Variants in MACROD2 observed in about 807,000 individuals in gnomAD.
The protein encoded by MACROD2 is mono-ADP ribosylhydrolase 2.
A neutral mutation model predicts 70.4 loss-of-function variants in MACROD2; 36 were observed. The observed-to-expected ratio is 0.51, with a 90% CI of 0.39 to 0.68. The LOEUF (loss-of-function observed/expected upper bound fraction) is 0.68. MACROD2 is among the 30% of genes least tolerant of loss of function. MACROD2 has a pLI of 0.00. For synonymous variants in MACROD2, 172 were observed against 178.8 expected (o/e 0.96, Z 0.30); for missense variants, 496 against 538.4 (o/e 0.92, Z 0.78).
At chr20:14,639,572 C>A in intron 4 of MACROD2, among the ~76,000 whole-genome samples, 1 of 152,162 alleles carries the variant, frequency 6.6e-6, no homozygotes, top group East Asian at 1.9e-4. Context: ...TCAGGATACA[C>A]ATACGCAATT....
intron 6 of MACROD2, among the ~76,000 whole-genome samples, chr20:15,342,894 C>CT (rs1218593326): frequency 6.6e-6 from 1 of 152,130 alleles, no homozygotes; most frequent in Non-Finnish European, 1.5e-5. Flanking sequence ...TTACTATTAT[C>CT]TTTTTTGCTG....
chr20:15,444,475 C>T (rs1002912674), intron 7 of MACROD2, among the ~76,000 whole-genome samples: 12 of 152,138 alleles, frequency 7.9e-5, no homozygotes, highest in African/African-American at 2.9e-4. Flanking sequence ...TAGTTTCTCT[C>T]AGGCCTCTCC....
At chr20:14,601,666 G>A (rs922070986) in intron 4 of MACROD2, among the ~76,000 whole-genome samples, 2 of 152,058 alleles carry the variant, frequency 1.3e-5, no homozygotes, top group Admixed American at 6.5e-5. Context: ...TTTAATGGAG[G>A]AAGGGGCCCA....
chr20:14,965,853 T>A (rs2074631887), intron 5 of MACROD2, among the ~76,000 whole-genome samples: 1 of 152,130 alleles, frequency 6.6e-6, no homozygotes, highest in Admixed American at 6.5e-5. Context: ...TCATTTTGCT[T>A]CAACAACATA....
intron 4 of MACROD2, among the ~76,000 whole-genome samples, chr20:14,538,972 C>A (rs749997547): frequency 3.4e-4 from 52 of 152,232 alleles, no homozygotes; most frequent in Non-Finnish European, 6.3e-4. Context: ...CTGGTGTGTC[C>A]CTAGTGCCTA....
intron 5 of MACROD2, among the ~76,000 whole-genome samples, chr20:14,997,219 C>T (rs1342865746): frequency 6.6e-6 from 1 of 152,092 alleles, no homozygotes; most frequent in Non-Finnish European, 1.5e-5. Flanking sequence ...CAGCTCAGTA[C>T]CACAGTAAAA....
At chr20:14,353,250 C>A (rs558336132) in intron 3 of MACROD2, among the ~76,000 whole-genome samples, 43 of 152,036 alleles carry the variant, frequency 2.8e-4, no homozygotes, top group Admixed American at 2.4e-3. Context: ...CCAGGAAGAA[C>A]AGAAAAGGGA....
intron 3 of MACROD2, among the ~76,000 whole-genome samples, chr20:14,367,330 C>T (rs2083281863): frequency 6.6e-6 from 1 of 152,106 alleles, no homozygotes; most frequent in Admixed American, 6.5e-5. Flanking sequence ...TACAATAATA[C>T]TGGCTTTTAT....
intron 16 of MACROD2, among the ~76,000 whole-genome samples, chr20:16,042,307 A>G (rs2067317796): frequency 6.6e-6 from 1 of 152,010 alleles, no homozygotes; most frequent in African/African-American, 2.4e-5. Context: ...ACTGCTTGTT[A>G]GTTATGAGCA....
intron 15 of MACROD2, among the ~76,000 whole-genome samples, chr20:16,030,315 A>T (rs1336890907): frequency 6.6e-6 from 1 of 152,122 alleles, no homozygotes; most frequent in Non-Finnish European, 1.5e-5. Flanking sequence ...TGGCTGCTTT[A>T]CCCCTCCCAA....
intron 3 of MACROD2, among the ~76,000 whole-genome samples, chr20:14,436,783 C>G (rs1341757669): frequency 3.3e-5 from 5 of 152,062 alleles, no homozygotes; most frequent in African/African-American, 9.7e-5. Flanking sequence ...ACTCAGTGTC[C>G]TTGTCTTTGA....
At chr20:14,237,738 C>T (rs1365755563) in intron 3 of MACROD2, among the ~76,000 whole-genome samples, 1 of 122,218 alleles carries the variant, frequency 8.2e-6, no homozygotes, top group Non-Finnish European at 1.6e-5. Flanking sequence ...GTTCCCCTTT[C>T]TGTGTCCATG....
intron 6 of MACROD2, among the ~76,000 whole-genome samples, chr20:15,287,265 C>T (rs2077500522): frequency 6.6e-6 from 1 of 152,180 alleles, no homozygotes; most frequent in Admixed American, 6.5e-5. Flanking sequence ...ATATTGTATA[C>T]ATGTGCTTTG....
chr20:15,623,775 C>A (rs2049163455), intron 8 of MACROD2, among the ~76,000 whole-genome samples: 1 of 152,004 alleles, frequency 6.6e-6, no homozygotes, highest in East Asian at 1.9e-4. Flanking sequence ...ATCTATGTGT[C>A]TATCTATCAT....
At chr20:14,369,661 C>T (rs2083304542) in intron 3 of MACROD2, among the ~76,000 whole-genome samples, 1 of 152,146 alleles carries the variant, frequency 6.6e-6, no homozygotes, top group African/African-American at 2.4e-5. Context: ...TTTAGTTATC[C>T]ACATGGTATA....
intron 5 of MACROD2, among the ~76,000 whole-genome samples, chr20:14,820,036 C>T (rs1317814574): frequency 6.6e-6 from 1 of 152,028 alleles, no homozygotes; most frequent in Non-Finnish European, 1.5e-5. Flanking sequence ...ATGATCATCC[C>T]GGAGTGCTGC....
chr20:15,406,105 G>A (rs577148081), intron 6 of MACROD2, among the ~76,000 whole-genome samples: 25 of 152,152 alleles, frequency 1.6e-4, no homozygotes, highest in African/African-American at 6.0e-4. Context: ...TCCTTTCACT[G>A]CCACATCCTT....
chr20:15,409,991 G>A (rs997210520), intron 6 of MACROD2, among the ~76,000 whole-genome samples: 1 of 152,104 alleles, frequency 6.6e-6, no homozygotes, highest in Non-Finnish European at 1.5e-5. Flanking sequence ...CCAACATTGG[G>A]CCTACCTGTT....
intron 15 of MACROD2, among the ~76,000 whole-genome samples, chr20:16,031,421 A>G (rs2067150104): frequency 6.6e-6 from 1 of 152,168 alleles, no homozygotes; most frequent in Admixed American, 6.6e-5. Context: ...AAATTTTGTA[A>G]CATCTATGAA....
Sources: allele counts gnomAD v4.1 joint callset (sites outside exome capture counted in the v4.1 genomes callset), GRCh38; gene constraint gnomAD v4.1.1; transcripts MANE v1.5; gene names NCBI Gene and HGNC (gene_info 2026-07-23, HGNC 2026-07-21).